The following EML5 variants were observed in gnomAD, a reference collection of about 807,000 sequenced individuals.
The protein encoded by EML5 is echinoderm microtubule-associated protein-like 5.
A neutral mutation model predicts 250.0 loss-of-function variants in EML5; 120 were observed. The ratio of observed to expected loss-of-function variants is 0.48; its 90% confidence interval spans 0.41 to 0.56. EML5 has a LOEUF of 0.56. Among genes scored for constraint, EML5 ranks in the 20% least tolerant of loss-of-function variants. The pLI is 0.00. For missense variants in EML5, 2,006 were observed against 2,437.6 expected (o/e 0.82, Z 3.73); for synonymous variants, 771 against 806.5 (o/e 0.96, Z 0.75).
chr14:88,728,132 T>A (rs1034122841), intron 7 of EML5, among the ~76,000 whole-genome samples: 8 of 152,088 alleles, frequency 5.3e-5, no homozygotes, highest in African/African-American at 1.9e-4. Context: ...AGCTACAGAT[T>A]CAACCAACCA....
Position 88,647,071 on chromosome 14 carries a change from T to C in EML5, c.4020-116A>G, listed in dbSNP as rs144053594. On this transcript the variant is annotated intron_variant, in intron 28 of 43. Coordinates refer to ENST00000554922, the MANE Select transcript of EML5 (RefSeq NM_183387.3). ...AACAAGTTTAATGCAGACAGCTATA[T>C]TGCATAATATTAAAGGCCTGTTGTT... The C allele has an allele frequency of 6.8e-5, 62 of 915,768 alleles. No homozygotes were observed. The African/African-American group carries it at 8.5e-4, about 13-fold the overall frequency. The allele number at this position is 915,768 out of a possible 1,614,324, so 56.7% of individuals were successfully genotyped here.
chr14:88,764,468 C>T (rs1595822551), intron 1 of EML5, among the ~76,000 whole-genome samples: 2 of 152,136 alleles, frequency 1.3e-5, no homozygotes, highest in Non-Finnish European at 2.9e-5. Flanking sequence ...CTGATGAATA[C>T]TGGTAATTTT....
intron 31 of EML5, among the ~76,000 whole-genome samples, chr14:88,642,120 C>A (rs1247838020): frequency 6.6e-6 from 1 of 152,126 alleles, no homozygotes; most frequent in Non-Finnish European, 1.5e-5. Context: ...TAATTCACAT[C>A]ATCAATCTAC....
chr14:88,700,172 G>A (rs972930574), intron 14 of EML5, among the ~76,000 whole-genome samples: 1 of 152,060 alleles, frequency 6.6e-6, no homozygotes, highest in African/African-American at 2.4e-5. Context: ...CATGTTATTC[G>A]ACTTTCCAGG....
intron 1 of EML5, among the ~76,000 whole-genome samples, chr14:88,783,636 C>G (rs2094520752): frequency 6.6e-6 from 1 of 152,068 alleles, no homozygotes; most frequent in African/African-American, 2.4e-5. Context: ...TATATACGCA[C>G]CCAACACTAG....
intron 1 of EML5, among the ~76,000 whole-genome samples, chr14:88,756,005 G>T (rs1476523538): frequency 6.6e-6 from 1 of 152,132 alleles, no homozygotes; most frequent in Non-Finnish European, 1.5e-5. Flanking sequence ...TTCTGGGCCA[G>T]ATCCTGTCTC....
chr14:88,738,760 A>G, intron 6 of EML5, 119 bp downstream of exon 6: 2 of 1,195,852 alleles, frequency 1.7e-6, no homozygotes, highest in Non-Finnish European at 2.3e-6. Context: ...CAGGGTGAAG[A>G]GGCAAATATA....
At chr14:88,666,553 T>A (rs1032605896) in intron 21 of EML5, among the ~76,000 whole-genome samples, 15 of 152,150 alleles carry the variant, frequency 9.9e-5, no homozygotes, top group Admixed American at 5.9e-4. Flanking sequence ...TTTAAAAATC[T>A]AATAGGCCAT....
chr14:88,644,724 T>A, intron 29 of EML5: 1 of 438,716 alleles, frequency 2.3e-6, no homozygotes, highest in Admixed American at 3.8e-5. Context: ...TATTTTATTT[T>A]TTTTGAGACG....
chr14:88,747,774 C>CA (rs2140313524), intron 2 of EML5, among the ~76,000 whole-genome samples: 1 of 152,100 alleles, frequency 6.6e-6, no homozygotes, highest in Non-Finnish European at 1.5e-5. Context: ...GATGAAAAGA[C>CA]AAAGTTGAAA....
intron 1 of EML5, among the ~76,000 whole-genome samples, chr14:88,759,565 T>C (rs1481062486): frequency 6.6e-6 from 1 of 151,442 alleles, no homozygotes; most frequent in African/African-American, 2.4e-5. Context: ...ATGCCCGTAG[T>C]CCCAGTTATT....
At chr14:88,654,377 T>C (rs2091777807) in intron 27 of EML5, among the ~76,000 whole-genome samples, 1 of 152,212 alleles carries the variant, frequency 6.6e-6, no homozygotes, top group African/African-American at 2.4e-5. Flanking sequence ...TGTTAGGATG[T>C]TGATTTTAGA....
At chr14:88,665,104 C>G (rs1446697492) in intron 22 of EML5, among the ~76,000 whole-genome samples, 1 of 152,068 alleles carries the variant, frequency 6.6e-6, no homozygotes. Context: ...GAAACAAAAG[C>G]TCAGAGAAGC....
intron 21 of EML5, among the ~76,000 whole-genome samples, chr14:88,677,878 G>A (rs1361383651): frequency 1.3e-5 from 2 of 152,092 alleles, no homozygotes; most frequent in Admixed American, 6.6e-5. Flanking sequence ...CATTGTGGAA[G>A]ACGGTGATTC....
chr14:88,700,316 T>G (rs2093180328), intron 14 of EML5, among the ~76,000 whole-genome samples: 1 of 152,156 alleles, frequency 6.6e-6, no homozygotes, highest in South Asian at 2.1e-4. Flanking sequence ...TTAAATTGTT[T>G]TATTTGGGAA....
chr14:88,700,658 C>T (rs2093188580), intron 14 of EML5, among the ~76,000 whole-genome samples: 1 of 152,136 alleles, frequency 6.6e-6, no homozygotes, highest in South Asian at 2.1e-4. Flanking sequence ...TCACATCTGT[C>T]TACCTGAAAA....
intron 8 of EML5, among the ~76,000 whole-genome samples, chr14:88,724,335 ACAAAG>A (rs1215774836): frequency 6.6e-6 from 1 of 151,694 alleles, no homozygotes; most frequent in Non-Finnish European, 1.5e-5. Flanking sequence ...TATGGAGAAT[ACAAAG>A]CAAATCAAGA....
intron 7 of EML5, among the ~76,000 whole-genome samples, chr14:88,727,563 G>A (rs935660639): frequency 6.6e-6 from 1 of 151,812 alleles, no homozygotes; most frequent in Non-Finnish European, 1.5e-5. Context: ...CACCACGCCT[G>A]TATTTTGTAT....
intron 33 of EML5, among the ~76,000 whole-genome samples, chr14:88,628,427 T>C: frequency 6.6e-6 from 1 of 152,150 alleles, no homozygotes; most frequent in African/African-American, 2.4e-5. Context: ...AAAAATGTGG[T>C]TATTATTAAT....
Sources: gnomAD v4.1 joint callset for allele counts (sites outside exome capture counted in the v4.1 genomes callset) on GRCh38, gnomAD v4.1.1 for gene constraint, MANE v1.5 for transcripts, NCBI Gene and HGNC (gene_info 2026-07-23, HGNC 2026-07-21) for gene names.